KCNMA1: variants seen among roughly 807,000 people sequenced by gnomAD.
The protein encoded by KCNMA1 is Calcium-activated potassium channel subunit alpha-1.
In KCNMA1, 29 loss-of-function variants were observed where a neutral mutation model predicts 140.0. That is an observed-to-expected ratio of 0.21 (90% CI 0.15 to 0.28). The LOEUF (loss-of-function observed/expected upper bound fraction) is 0.28. Among genes scored for constraint, KCNMA1 ranks in the 10% least tolerant of loss-of-function variants. KCNMA1 has a pLI of 1.00. For synonymous variants in KCNMA1, 612 were observed against 611.9 expected (o/e 1.00, Z 0.00); for missense variants, 880 against 1,602.2 (o/e 0.55, Z 7.70).
At chr10:77,331,649 TAA>T (rs34133785) in intron 2 of KCNMA1, among the ~76,000 whole-genome samples, 63,835 of 148,056 alleles carry the variant, frequency 0.43, 14,363 homozygotes, top group African/African-American at 0.58. Flanking sequence ...ACAAAACCTT[TAA>T]AAAAAAAAAA....
rs1419203413 is a variant in KCNMA1 at position 77,575,200 on chromosome 10, A to G, written c.378+62065T>C. 3.3e-5 allele frequency among the ~76,000 whole-genome samples: 5 copies of G among 152,146 alleles called. No individual in the cohort carries two copies. In the East Asian group the frequency reaches 9.7e-4, roughly 29 times the overall value. ...GCTCCCCAACAGCCCCACCGTTCCAATGCTAGGACAGTGCTGACAGCATCA... is the reference window on the plus strand; with the variant it reads ...GCTCCCCAACAGCCCCACCGTTCCAGTGCTAGGACAGTGCTGACAGCATCA... On this transcript the variant is annotated intron_variant, in intron 1 of 27. Coordinates refer to ENST00000286628, the MANE Select transcript of KCNMA1 (RefSeq NM_001161352.2).
Position 77,183,343 on chromosome 10 carries a change from C to A in KCNMA1, c.808+78G>T. The A allele has an allele frequency of 4.4e-6, 4 of 913,284 alleles. No homozygotes were observed. In the South Asian group the frequency reaches 5.2e-5, roughly 12 times the overall value. The allele number at this position is 913,284 out of a possible 1,614,324, so 56.6% of individuals were successfully genotyped here. ...ACAACATTGTTTGTAGGGAGACAGC[C>A]CCCTCATCCACTGCAAATTCTGTCC... is the stretch of plus-strand genomic sequence containing the variant. On this transcript the variant is annotated intron_variant, in intron 5 of 27. Coordinates refer to ENST00000286628, the MANE Select transcript of KCNMA1 (RefSeq NM_001161352.2).
chr10:77,204,533 C>A (rs1011311588), intron 3 of KCNMA1, among the ~76,000 whole-genome samples: 6 of 152,048 alleles, frequency 3.9e-5, no homozygotes, highest in African/African-American at 1.2e-4. Context: ...ACTGGGAAAC[C>A]AAGATTGAAA....
At chr10:77,206,770 A>C (rs1008745530) in intron 3 of KCNMA1, among the ~76,000 whole-genome samples, 1 of 151,214 alleles carries the variant, frequency 6.6e-6, no homozygotes, top group Non-Finnish European at 1.5e-5. Flanking sequence ...ACAAGTAAAT[A>C]AATAAATGGA....
chr10:77,068,492 T>C (rs184087170), intron 14 of KCNMA1, among the ~76,000 whole-genome samples: 23 of 152,264 alleles, frequency 1.5e-4, no homozygotes, highest in Admixed American at 2.6e-4. Context: ...CTGATTTCTC[T>C]AGTGCATTCT....
intron 1 of KCNMA1, among the ~76,000 whole-genome samples, chr10:77,576,168 G>C (rs774572583): frequency 7.2e-5 from 11 of 152,178 alleles, no homozygotes; most frequent in Non-Finnish European, 1.6e-4. Flanking sequence ...ACCACCGTCT[G>C]AGGAACAAGG....
Position 76,884,981 on chromosome 10 carries a change from T to C in KCNMA1, c.*2285A>G, listed in dbSNP as rs1273300812. The C allele has an allele frequency of 6.5e-7, 1 of 1,548,104 alleles. No individual in the cohort carries two copies. The highest frequency in any genetic ancestry group is 1.2e-5 in the South Asian group (1 of 83,548). ...GGCTAGGTCATGCAGAACCATTAAT[T>C]GTCATACCTTGGCCCATTCTATTCA... On this transcript the variant is annotated 3_prime_UTR_variant, in exon 28 of 28. Coordinates refer to ENST00000286628, the MANE Select transcript of KCNMA1 (RefSeq NM_001161352.2).
chr10:77,487,506 T>C (rs180721460), intron 1 of KCNMA1, among the ~76,000 whole-genome samples: 43 of 152,314 alleles, frequency 2.8e-4, no homozygotes, highest in Middle Eastern at 3.4e-3. Flanking sequence ...CTCAAAGGGA[T>C]ACCCCCAACA....
At chr10:77,500,574 A>C (rs1175877642) in intron 1 of KCNMA1, among the ~76,000 whole-genome samples, 1 of 152,328 alleles carries the variant, frequency 6.6e-6, no homozygotes, top group East Asian at 1.9e-4. Flanking sequence ...ACATTAAATA[A>C]GGCAACACAG....
At chr10:77,386,405 T>C (rs961209834) in intron 2 of KCNMA1, among the ~76,000 whole-genome samples, 4 of 152,182 alleles carry the variant, frequency 2.6e-5, no homozygotes, top group Admixed American at 2.0e-4. Context: ...AGAGGAAGAA[T>C]TGAGGAACGA....
At chr10:77,631,063 T>C (rs901822685) in intron 1 of KCNMA1, among the ~76,000 whole-genome samples, 1 of 130,598 alleles carries the variant, frequency 7.7e-6, no homozygotes, top group African/African-American at 2.9e-5. Flanking sequence ...GCAGTGATCA[T>C]GCCACTGTAC....
intron 1 of KCNMA1, among the ~76,000 whole-genome samples, chr10:77,446,183 A>AT (rs2097526844): frequency 6.6e-6 from 1 of 152,180 alleles, no homozygotes; most frequent in African/African-American, 2.4e-5. Context: ...ACAGCCCCTG[A>AT]TTCCCCCAGG....
Position 76,947,409 on chromosome 10 carries a change from A to AAC in KCNMA1, c.2709+1731_2709+1732dup, listed in dbSNP as rs949659901. ...GGAGGAAACATACACAAACACACAA[A>AAC]ACACACACACAAATACCAAATATCA... On this transcript the variant is annotated intron_variant, in intron 22 of 27. Coordinates refer to ENST00000286628, the MANE Select transcript of KCNMA1 (RefSeq NM_001161352.2). 2.0e-5 allele frequency among the ~76,000 whole-genome samples: 3 copies of AAC among 152,010 alleles called. No individual in the cohort carries two copies. The South Asian group carries it at 6.3e-4, about 32-fold the overall frequency.
rs60005549 is a variant in KCNMA1 at position 76,954,293 on chromosome 10, A to ACACG, written c.2361-370_2361-369insCGTG. 3.9e-3 allele frequency among the ~76,000 whole-genome samples: 584 copies of ACACG among 151,490 alleles called. 3 individuals are homozygous for ACACG. Among genetic ancestry groups the ACACG allele is most frequent in the East Asian group, 7.3e-3 (37 of 5,084 alleles). ...TGCACACACACACACACACACACAC[A>ACACG]TACACACACACAGACAGACACACCA... On this transcript the variant is annotated intron_variant, in intron 20 of 27. Transcript: ENST00000286628.
intron 9 of KCNMA1, among the ~76,000 whole-genome samples, chr10:77,102,182 A>T (rs1352877159): frequency 6.6e-6 from 1 of 152,194 alleles, no homozygotes. Context: ...AATTCCTTTA[A>T]GGTAGGGTAG....
rs1300744916 is a variant in KCNMA1, at chr10:77,637,430, G to A, written c.213C>T (p.Ile71=). Residue 71 remains isoleucine, a synonymous_variant, in exon 1 of 28, where the codon ATC becomes ATT. Coordinates refer to ENST00000286628, the MANE Select transcript of KCNMA1 (RefSeq NM_001161352.2). ...VHEPKMDALI[I]PVTMEVPCDS... is the part of the protein sequence containing the mutation. Reference sequence around the variant, plus strand: ...CGCACGGCACCTCCATGGTCACCGGGATGATGAGCGCATCCATCTTGGGCT... The same window carrying A: ...CGCACGGCACCTCCATGGTCACCGGAATGATGAGCGCATCCATCTTGGGCT... 6.2e-6 allele frequency: 10 copies of A among 1,613,598 alleles called. No homozygotes were observed. The Admixed American group carries it at 1.2e-4, about 19-fold the overall frequency.
At chr10:76,998,721 C>CTGTCAAA (rs1401836581) in intron 19 of KCNMA1, among the ~76,000 whole-genome samples, 1 of 152,194 alleles carries the variant, frequency 6.6e-6, no homozygotes, top group Non-Finnish European at 1.5e-5. Flanking sequence ...TCAACTTGCT[C>CTGTCAAA]TGTCAAATGG....
At chr10:77,299,283 G>A (rs921376572) in intron 2 of KCNMA1, among the ~76,000 whole-genome samples, 1 of 152,194 alleles carries the variant, frequency 6.6e-6, no homozygotes, top group Admixed American at 6.5e-5. Context: ...AACGTTGCAT[G>A]TATTGATTAA....
intron 1 of KCNMA1, among the ~76,000 whole-genome samples, chr10:77,610,782 G>A (rs1337108711): frequency 6.6e-6 from 1 of 152,206 alleles, no homozygotes; most frequent in African/African-American, 2.4e-5. Flanking sequence ...TTGGAGTGAT[G>A]AAAATGTAGA....
Sources: allele counts gnomAD v4.1 joint callset (sites outside exome capture counted in the v4.1 genomes callset), GRCh38; gene constraint gnomAD v4.1.1; transcripts MANE v1.5; gene names NCBI Gene and HGNC (gene_info 2026-07-23, HGNC 2026-07-21).